Variants in BPNT2 observed in about 807,000 individuals in gnomAD.
BPNT2 encodes the protein Golgi-resident adenosine 3',5'-bisphosphate 3'-phosphatase.
A neutral mutation model predicts 29.3 loss-of-function variants in BPNT2; 11 were observed. The ratio of observed to expected loss-of-function variants is 0.38; its 90% confidence interval spans 0.24 to 0.62. The LOEUF (loss-of-function observed/expected upper bound fraction) is 0.62, where lower values mean the gene tolerates loss of function less well. Ranked by LOEUF, BPNT2 falls within the 20% of genes least tolerant of loss-of-function variation. BPNT2 has a pLI of 0.62. For synonymous variants in BPNT2, 195 were observed against 187.7 expected, an observed-to-expected ratio of 1.04 and a Z score of -0.32; for missense variants, 459 against 473.4, an observed-to-expected ratio of 0.97 and a Z score of 0.28.
intron 3 of BPNT2, chr8:56,967,180 C>T (rs1472806719): frequency 2.2e-6 from 1 of 456,120 alleles, no homozygotes; most frequent in African/African-American, 2.0e-5. Flanking sequence ...TCCACCATGG[C>T]TAGTAATGAA....
Position 56,959,338 on chromosome 8 carries a change from T to G in BPNT2, c.*4455A>C, listed in dbSNP as rs1805789260. On this transcript the variant is annotated 3_prime_UTR_variant, in exon 5 of 5. Transcript: ENST00000262644. ...ATTGGAATGCATATACTTGCCAGGC[T>G]TTGATGAAATAAAAATAAACGATTT... The G allele has an allele frequency of 6.6e-6, 1 of 152,176 alleles. No individual in the cohort carries two copies. Among genetic ancestry groups the G allele is most frequent in the East Asian group, 1.9e-4 (1 of 5,172 alleles). The allele number at this position is 152,176 out of a possible 1,614,324, so 9.4% of individuals were successfully genotyped here.
In BPNT2 at chr8:56,959,198, G is replaced by A. The variant is rs181241088; in HGVS notation, c.*4595C>T. 2.0e-5 allele frequency: 3 copies of A among 152,200 alleles called. No homozygotes were observed. In the East Asian group the frequency reaches 5.8e-4, roughly 29 times the overall value. 9.4% of individuals were successfully genotyped at this position (152,200 alleles called of 1,614,324 possible). ...ATATTATTCATCATCCTTAACTTCT[G>A]AAAGTTTGGTTTATGTTATCTTATC... On this transcript the variant is annotated 3_prime_UTR_variant, in exon 5 of 5. Coordinates refer to ENST00000262644, the MANE Select transcript of BPNT2 (RefSeq NM_017813.5).
chr8:56,963,834 C>T lies in BPNT2; in HGVS notation c.1039G>A (p.Val347Ile). ...ASIRMNHQAL[V>I]RKLPDLEKTG... is the part of the protein sequence containing the mutation. ...TTTTCTAGATCTGGGAGTTTTCTGA[C>T]CAGGGCCTGGTGGTTCATTCTGATG... Residue 347 changes from valine to isoleucine, a missense_variant, in exon 5 of 5, where the codon GTC becomes ATC. By Grantham distance (29) the Val-to-Ile change is conservative (BLOSUM62 3). Coordinates refer to ENST00000262644, the MANE Select transcript of BPNT2 (RefSeq NM_017813.5). 1 of 1,614,122 alleles carries T rather than the reference C, an allele frequency of 6.2e-7. No homozygotes were observed. The highest frequency in any genetic ancestry group is 8.5e-7 in the Non-Finnish European group (1 of 1,180,012).
chr8:56,985,622 T>C (rs568973476), intron 1 of BPNT2, among the ~76,000 whole-genome samples: 12 of 152,242 alleles, frequency 7.9e-5, no homozygotes, highest in African/African-American at 2.4e-4. Context: ...TGATACATAA[T>C]AGCTCATCTT....
chr8:56,993,151 G>A, intron 1 of BPNT2, 48 bp downstream of exon 1: 2 of 1,566,452 alleles, frequency 1.3e-6, no homozygotes, highest in Non-Finnish European at 1.7e-6. Context: ...TCGACGGGCC[G>A]AGACGCGCTA....
chr8:56,974,785 T>C (rs1349824980), intron 3 of BPNT2, among the ~76,000 whole-genome samples: 2 of 152,214 alleles, frequency 1.3e-5, no homozygotes, highest in African/African-American at 4.8e-5. Flanking sequence ...TTAGGGACAT[T>C]TGGCTTCTTT....
At chr8:56,988,292 A>C (rs1806357010) in intron 1 of BPNT2, among the ~76,000 whole-genome samples, 1 of 152,202 alleles carries the variant, frequency 6.6e-6, no homozygotes, top group Non-Finnish European at 1.5e-5. Flanking sequence ...CTTTACTCAC[A>C]GTCTCCATTT....
At chr8:56,982,864 GATAAAT>G (rs1226587931) in intron 1 of BPNT2, among the ~76,000 whole-genome samples, 1 of 152,096 alleles carries the variant, frequency 6.6e-6, no homozygotes, top group Non-Finnish European at 1.5e-5. Context: ...CTGATGAATG[GATAAAT>G]ATATTTGGTA....
chr8:56,966,276 C>A lies in BPNT2; in HGVS notation c.723G>T (p.Val241=), dbSNP rs375321085. The change falls in exon 4 of 5, where the codon GTG becomes GTT. Residue 241 remains valine (V), a synonymous_variant. Coordinates refer to ENST00000262644, the MANE Select transcript of BPNT2 (RefSeq NM_017813.5). ...TGACCATCCCTGAATGGGAACGAGA[C>A]ACAACGATCCTTGGGGTCTTCTCAT... ...SYNEKTPRIV[V]SRSHSGMVKQ... The A allele has an allele frequency of 2.5e-6, 4 of 1,613,924 alleles. No individual in the cohort carries two copies. The highest frequency in any genetic ancestry group is 3.4e-6 in the Non-Finnish European group (4 of 1,179,828).
intron 3 of BPNT2, among the ~76,000 whole-genome samples, chr8:56,967,776 T>C (rs745485376): frequency 6.6e-6 from 1 of 151,874 alleles, no homozygotes; most frequent in Non-Finnish European, 1.5e-5. Context: ...AAGGAAGAGA[T>C]TAAGATAGGG....
chr8:56,982,131 T>C (rs1366017065), intron 1 of BPNT2, among the ~76,000 whole-genome samples: 2 of 151,698 alleles, frequency 1.3e-5, no homozygotes, highest in Non-Finnish European at 3.0e-5. Context: ...TATCTCTTTT[T>C]TTTTTTTTTT....
At chr8:56,973,008 G>A (rs79820137) in intron 3 of BPNT2, among the ~76,000 whole-genome samples, 296 of 152,156 alleles carry the variant, frequency 1.9e-3, no homozygotes, top group African/African-American at 7.0e-3. Flanking sequence ...CTACAAAACC[G>A]CTAACCCCCG....
intron 3 of BPNT2, among the ~76,000 whole-genome samples, chr8:56,976,185 A>G (rs1806129964): frequency 6.6e-6 from 1 of 152,156 alleles, no homozygotes; most frequent in East Asian, 1.9e-4. Context: ...CACTGGTGAA[A>G]TACAGCTGAA....
At chr8:56,968,422 C>A (rs1392323046) in intron 3 of BPNT2, among the ~76,000 whole-genome samples, 2 of 148,320 alleles carry the variant, frequency 1.3e-5, no homozygotes, top group African/African-American at 4.9e-5. Context: ...AGTCAACATA[C>A]ATATATAAGG....
At chr8:56,969,939 T>G (rs1806005004) in intron 3 of BPNT2, among the ~76,000 whole-genome samples, 1 of 152,136 alleles carries the variant, frequency 6.6e-6, no homozygotes, top group African/African-American at 2.4e-5. Context: ...AGTAAAAGAA[T>G]TAAACATTTA....
intron 3 of BPNT2, 82 bp downstream of exon 3, chr8:56,977,967 AC>A: frequency 1.1e-6 from 1 of 912,700 alleles, no homozygotes. Flanking sequence ...AGGAGTGGAT[AC>A]AAATTTAGGT....
intron 1 of BPNT2, among the ~76,000 whole-genome samples, chr8:56,982,502 A>G (rs1806261373): frequency 6.6e-6 from 1 of 152,226 alleles, no homozygotes; most frequent in South Asian, 2.1e-4. Context: ...GCAAATGCTT[A>G]TTGATTGCCT....
chr8:56,963,902 C>G lies in BPNT2; in HGVS notation c.971G>C (p.Ser324Thr). 1 of 1,614,108 alleles carries G rather than the reference C, an allele frequency of 6.2e-7. No homozygotes were observed. The highest frequency in any genetic ancestry group is 1.3e-5 in the African/African-American group (1 of 75,030). Residue 324 changes from serine to threonine, a missense_variant, in exon 5 of 5, where the codon AGT (serine) becomes ACT (threonine). By Grantham distance (58) the Ser-to-Thr change is moderately conservative. Coordinates refer to ENST00000262644, the MANE Select transcript of BPNT2 (RefSeq NM_017813.5). ...TTCAATGCCGTCTGAACCAGTGTAA[C>G]TGATTTCTTCACCACTCAGGGTAGT... The part of the protein sequence containing the change: ...HMTTLSGEEI[S>T]YTGSDGIEGG...
At chr8:56,973,659 G>A (rs1233926473) in intron 3 of BPNT2, among the ~76,000 whole-genome samples, 1 of 152,156 alleles carries the variant, frequency 6.6e-6, no homozygotes, top group Non-Finnish European at 1.5e-5. Context: ...AAGACGACTT[G>A]ATGGAGATGA....
Sources: gnomAD v4.1 joint callset for allele counts (sites outside exome capture counted in the v4.1 genomes callset) on GRCh38, gnomAD v4.1.1 for gene constraint, MANE v1.5 for transcripts, NCBI Gene and HGNC (gene_info 2026-07-23, HGNC 2026-07-21) for gene names.